Variants in RBPMS observed in about 807,000 individuals in gnomAD.
RBPMS encodes the protein RNA-binding protein with multiple splicing.
Under a neutral mutation model 26.8 loss-of-function variants are expected in RBPMS, and 7 were observed. The observed-to-expected ratio is 0.26, with a 90% CI of 0.15 to 0.49. The LOEUF (loss-of-function observed/expected upper bound fraction) is 0.49. Among genes scored for constraint, RBPMS ranks in the 20% least tolerant of loss-of-function variants. The pLI, the probability that RBPMS is intolerant of heterozygous loss-of-function variation, is 0.98. For missense variants in RBPMS, 186 were observed against 250.0 expected (o/e 0.74, Z 1.73); for synonymous variants, 96 against 93.3 (o/e 1.03, Z -0.17).
At chr8:30,539,905 C>A (rs914036916) in intron 5 of RBPMS, among the ~76,000 whole-genome samples, 1 of 152,252 alleles carries the variant, frequency 6.6e-6, no homozygotes, top group East Asian at 1.9e-4. Context: ...GGATTACAGG[C>A]GTAAACCACT....
chr8:30,417,328 C>T (rs138456734), intron 1 of RBPMS, among the ~76,000 whole-genome samples: 46 of 152,252 alleles, frequency 3.0e-4, no homozygotes, highest in African/African-American at 1.0e-3. Flanking sequence ...TTAGAGCCTT[C>T]ATGGTGCTGA....
chr8:30,561,855 G>A (rs1827515937), intron 7 of RBPMS: 4 of 985,180 alleles, frequency 4.1e-6, no homozygotes, highest in African/African-American at 1.7e-5. Context: ...GACATCCATT[G>A]TGAAGCAGTT....
intron 1 of RBPMS, among the ~76,000 whole-genome samples, chr8:30,410,258 G>A (rs1195014490): frequency 1.3e-5 from 2 of 151,938 alleles, no homozygotes; most frequent in Non-Finnish European, 2.9e-5. Flanking sequence ...CCAGGCTGGA[G>A]TGCAGTGGTA....
intron 7 of RBPMS, among the ~76,000 whole-genome samples, chr8:30,563,527 C>A (rs1827662756): frequency 6.6e-6 from 1 of 152,140 alleles, no homozygotes; most frequent in Admixed American, 6.5e-5. Flanking sequence ...TCTTTCAGGA[C>A]TCTTGAAATT....
At chr8:30,436,136 A>G (rs1400914780) in intron 1 of RBPMS, among the ~76,000 whole-genome samples, 2 of 152,160 alleles carry the variant, frequency 1.3e-5, no homozygotes, top group African/African-American at 2.4e-5. Flanking sequence ...GAAGAAAACA[A>G]TTGTCTTTTC....
chr8:30,493,824 C>T (rs1819647594), intron 4 of RBPMS, among the ~76,000 whole-genome samples: 1 of 152,260 alleles, frequency 6.6e-6, no homozygotes, highest in East Asian at 1.9e-4. Context: ...CTGCTTGTCT[C>T]TGATTCTCTT....
chr8:30,384,886 C>T lies in RBPMS; in HGVS notation c.-207C>T. ...TCTCTCCCTTGCACTTCCTGAGTCG[C>T]CCGCCGCCGCCGTCGCAGACTCGCC... On this transcript the variant is annotated 5_prime_UTR_variant, in exon 1 of 9. Coordinates refer to ENST00000397323, the MANE Select transcript of RBPMS (RefSeq NM_001008710.3). The surrounding 1 kb of genome is among the most constrained non-coding windows in gnomAD (Gnocchi z 5.6). 1 of 355,920 alleles carries T rather than the reference C, an allele frequency of 2.8e-6. No homozygotes were observed. The highest frequency in any genetic ancestry group is 5.0e-6 in the Non-Finnish European group (1 of 201,902). The allele number at this position is 355,920 out of a possible 1,614,324, so 22.0% of individuals were successfully genotyped here. A position where few individuals can be genotyped will look rare whatever the true frequency, so the allele number is the denominator to read the frequency against.
chr8:30,409,412 C>T (rs548047803), intron 1 of RBPMS, among the ~76,000 whole-genome samples: 7 of 152,058 alleles, frequency 4.6e-5, no homozygotes, highest in East Asian at 1.9e-4. Flanking sequence ...AGGTGGGCCT[C>T]GAACTCCCAG....
At chr8:30,543,728 G>T (rs905097879) in intron 5 of RBPMS, among the ~76,000 whole-genome samples, 1 of 152,158 alleles carries the variant, frequency 6.6e-6, no homozygotes, top group African/African-American at 2.4e-5. Flanking sequence ...CCTTCAATCT[G>T]GCCAACTGCA....
chr8:30,446,806 T>C lies in RBPMS; in HGVS notation c.67-27973T>C, dbSNP rs150701563. On this transcript the variant is annotated intron_variant, in intron 1 of 8. Coordinates refer to ENST00000397323, the MANE Select transcript of RBPMS (RefSeq NM_001008710.3). ...CCACCACACATGGCTTGTGTGTGTGTGTGTGTGTGTGTGTGTGTGTGTGTG... is the reference window on the plus strand; with the variant it reads ...CCACCACACATGGCTTGTGTGTGTGCGTGTGTGTGTGTGTGTGTGTGTGTG... The C allele has an allele frequency of 5.1e-3, 442 of 86,074 alleles. 1 individual carries two copies. The highest frequency in any genetic ancestry group is 0.025 in the African/African-American group (383 of 15,406). The allele number at this position is 86,074 out of a possible 1,614,324, so 5.3% of individuals were successfully genotyped here.
intron 6 of RBPMS, among the ~76,000 whole-genome samples, chr8:30,555,521 G>T (rs1183287712): frequency 6.6e-6 from 1 of 152,220 alleles, no homozygotes; most frequent in African/African-American, 2.4e-5. Context: ...CTGGAATTGT[G>T]TGCAAGACTG....
chr8:30,500,376 A>C, intron 4 of RBPMS, among the ~76,000 whole-genome samples: 1 of 149,356 alleles, frequency 6.7e-6, no homozygotes, highest in Admixed American at 6.7e-5. Context: ...CTAGCCATGG[A>C]CATCTTTCTC....
At chr8:30,525,669 G>A (rs1209849913) in intron 5 of RBPMS, among the ~76,000 whole-genome samples, 2 of 152,326 alleles carry the variant, frequency 1.3e-5, no homozygotes, top group South Asian at 2.1e-4. Flanking sequence ...CAGTAATGAC[G>A]TTTTAGGTCA....
chr8:30,521,111 A>G (rs1178361224), intron 5 of RBPMS, among the ~76,000 whole-genome samples: 3 of 152,216 alleles, frequency 2.0e-5, no homozygotes, highest in African/African-American at 7.2e-5. Context: ...AAGGGGCAGA[A>G]AGTTAAATAT....
At chr8:30,460,893 C>T (rs1055287816) in intron 1 of RBPMS, among the ~76,000 whole-genome samples, 41 of 151,880 alleles carry the variant, frequency 2.7e-4, no homozygotes, top group African/African-American at 9.7e-4. Context: ...CTACCAAAAA[C>T]ACAAAAAATT....
chr8:30,410,143 TA>T (rs1410475928), intron 1 of RBPMS, among the ~76,000 whole-genome samples: 1 of 132,096 alleles, frequency 7.6e-6, no homozygotes, highest in African/African-American at 2.7e-5. Context: ...TGACTTAAAA[TA>T]CACACACACA....
intron 1 of RBPMS, among the ~76,000 whole-genome samples, chr8:30,466,264 T>C (rs868081918): frequency 6.6e-6 from 1 of 152,224 alleles, no homozygotes; most frequent in Non-Finnish European, 1.5e-5. Context: ...AATATTAAAA[T>C]AGCCTAGGTG....
At chr8:30,492,676 G>C (rs1292086455) in intron 4 of RBPMS, among the ~76,000 whole-genome samples, 1 of 152,054 alleles carries the variant, frequency 6.6e-6, no homozygotes. Context: ...TACTTTTAAA[G>C]TTGTTATTGA....
chr8:30,408,657 T>C (rs1394477670), intron 1 of RBPMS, among the ~76,000 whole-genome samples: 1 of 152,228 alleles, frequency 6.6e-6, no homozygotes, highest in African/African-American at 2.4e-5. Context: ...GCTGTGCAAT[T>C]GCACACCACT....
Sources: gnomAD v4.1 joint callset for allele counts (sites outside exome capture counted in the v4.1 genomes callset) on GRCh38, gnomAD v4.1.1 for gene constraint, Gnocchi (gnomAD v3.1) non-coding constraint, MANE v1.5 for transcripts, NCBI Gene and HGNC (gene_info 2026-07-23, HGNC 2026-07-21) for gene names.